Variants in RMDN3 observed in about 807,000 individuals in gnomAD.
RMDN3 encodes regulator of microtubule dynamics protein 3.
A neutral mutation model predicts 61.8 loss-of-function variants in RMDN3; 41 were observed. The ratio of observed to expected loss-of-function variants is 0.66; its 90% CI spans 0.52 to 0.86. The LOEUF is 0.86. Among genes scored for constraint, RMDN3 ranks in the 40% least tolerant of loss-of-function variants. The pLI, the probability that RMDN3 is intolerant of heterozygous loss-of-function variation, is 0.00. For missense variants in RMDN3, 557 were observed against 585.3 expected, an observed-to-expected ratio of 0.95 and a Z score of 0.50; for synonymous variants, 247 against 232.0, an observed-to-expected ratio of 1.06 and a Z score of -0.59.
At chr15:40,740,112 A>T in intron 7 of RMDN3, 21 bp downstream of exon 7, 1 of 1,564,976 alleles carries the variant, frequency 6.4e-7, no homozygotes, top group Non-Finnish European at 8.8e-7. Flanking sequence ...CTCTTCCCAG[A>T]ACACTGCAGG....
At chr15:40,736,630 T>G (rs1452477633) in intron 12 of RMDN3, 36 bp from the exon 13 acceptor site, 1 of 1,598,508 alleles carries the variant, frequency 6.3e-7, no homozygotes, top group South Asian at 1.1e-5. Context: ...GGCTCAAAAT[T>G]TAAACCAGCA....
intron 5 of RMDN3, among the ~76,000 whole-genome samples, chr15:40,744,496 C>G (rs1897421492): frequency 6.8e-6 from 1 of 148,052 alleles, no homozygotes; most frequent in South Asian, 2.1e-4. Flanking sequence ...AAACTTCTAA[C>G]TTCTGGGGGG....
chr15:40,743,303 C>T (rs912175864), intron 6 of RMDN3, among the ~76,000 whole-genome samples: 22 of 152,074 alleles, frequency 1.4e-4, no homozygotes, highest in African/African-American at 5.3e-4. Context: ...TGCTTGTAAT[C>T]CCAGCTACTG....
Position 40,736,066 on chromosome 15 carries a change from A to ATAAGAAAG in RMDN3, c.*467_*474dup, listed in dbSNP as rs1296752027. 2 of 153,428 alleles carry ATAAGAAAG rather than the reference A, an allele frequency of 1.3e-5. No individual in the cohort carries two copies. The highest frequency in any genetic ancestry group is 4.8e-5 in the African/African-American group (2 of 41,486). 9.5% of individuals were successfully genotyped at this position (153,428 alleles called of 1,614,324 possible). A position where few individuals can be genotyped will look rare whatever the true frequency, so the allele number is the denominator to read the frequency against. On this transcript the variant is annotated 3_prime_UTR_variant, in exon 13 of 13. Transcript: ENST00000338376. ...ACAGGTAGAATTCACATGATAGGTG[A>ATAAGAAAG]TAAGAAAGCAATGTCTGTGGGCCAC...
At chr15:40,751,861 C>A (rs941958471) in intron 3 of RMDN3, 125 bp downstream of exon 3, 4 of 1,096,284 alleles carry the variant, frequency 3.6e-6, no homozygotes, top group Admixed American at 2.1e-5. Flanking sequence ...CAGCTTCAAC[C>A]CAGATTAGGC....
Position 40,745,232 on chromosome 15 carries a change from G to A in RMDN3, c.552C>T (p.Asp184=), listed in dbSNP as rs377060294. 3 of 1,613,742 alleles carry A rather than the reference G, an allele frequency of 1.9e-6. No individual in the cohort carries two copies. The highest frequency in any genetic ancestry group is 2.7e-5 in the African/African-American group (2 of 74,860). The part of the protein sequence containing the change: ...GGYTTANAES[D]NERDSDKESE... ...TTTCTTTGTCAGAGTCCCGCTCATT[G>A]TCAGACTCCGCATTGGCTGTTGTGT... Residue 184 remains aspartate (D), a synonymous_variant, in exon 5 of 13, where the codon GAC becomes GAT. Coordinates refer to ENST00000338376, the MANE Select transcript of RMDN3 (RefSeq NM_018145.3).
chr15:40,746,409 G>C (rs1398922503), intron 4 of RMDN3, among the ~76,000 whole-genome samples: 1 of 151,860 alleles, frequency 6.6e-6, no homozygotes, highest in Non-Finnish European at 1.5e-5. Flanking sequence ...CCAGCTACTC[G>C]GGAGGCTGAG....
chr15:40,751,316 C>A, intron 4 of RMDN3, 110 bp downstream of exon 4: 1 of 1,356,584 alleles, frequency 7.4e-7, no homozygotes, highest in East Asian at 2.3e-5. Context: ...TATACTCTTA[C>A]CTGTTCCAAA....
In RMDN3 at chr15:40,752,179, CT is replaced by C. The variant is rs1280027950; in HGVS notation, c.188-2del. On this transcript the variant is annotated splice_acceptor_variant, in intron 2 of 12. Coordinates refer to ENST00000338376, the MANE Select transcript of RMDN3 (RefSeq NM_018145.3). LOFTEE classifies it high-confidence loss of function. ...CCTGGGACAGCCCGCAGGAGCATCA[CT>C]GAAGGGGGAAACGAATGGGAGCCAG... 1.2e-6 allele frequency: 2 copies of C among 1,611,168 alleles called. No individual in the cohort carries two copies. The highest frequency in any genetic ancestry group is 2.7e-5 in the African/African-American group (2 of 74,838).
Position 40,740,132 on chromosome 15 carries a change from C to G in RMDN3, c.971+1G>C, listed in dbSNP as rs1256546304. ...CCCAGAACACTGCAGGGTGTTATTACCACAGGTGACAGTCAGCACTCTCAT... is the reference window on the plus strand; with the variant it reads ...CCCAGAACACTGCAGGGTGTTATTAGCACAGGTGACAGTCAGCACTCTCAT... On this transcript the variant is annotated splice_donor_variant, in intron 7 of 12. Transcript: ENST00000338376. LOFTEE classifies it high-confidence loss of function. The G allele has an allele frequency of 6.2e-6, 10 of 1,603,932 alleles. No individual in the cohort carries two copies. Among genetic ancestry groups the G allele is most frequent in the Admixed American group, 1.7e-5 (1 of 59,794 alleles).
chr15:40,744,573 G>A (rs983268720), intron 5 of RMDN3, among the ~76,000 whole-genome samples: 7 of 151,892 alleles, frequency 4.6e-5, no homozygotes, highest in African/African-American at 1.5e-4. Context: ...ATGGTTGAGT[G>A]ACCTACACAG....
chr15:40,737,235 T>C (rs1897091357), intron 11 of RMDN3, 31 bp from the exon 12 acceptor site: 3 of 1,612,600 alleles, frequency 1.9e-6, no homozygotes, highest in Non-Finnish European at 1.7e-6. Context: ...AACCTGATAC[T>C]GTGTACTTTC....
intron 6 of RMDN3, among the ~76,000 whole-genome samples, chr15:40,741,795 A>T (rs1897296146): frequency 6.7e-6 from 1 of 150,308 alleles, no homozygotes; most frequent in African/African-American, 2.5e-5. Context: ...CACCTGGCTA[A>T]TTTTTGTATT....
chr15:40,743,918 G>T, intron 6 of RMDN3, 129 bp downstream of exon 6: 1 of 680,496 alleles, frequency 1.5e-6, no homozygotes. Flanking sequence ...GCCAGAGTTT[G>T]TCCCTAGTGG....
At chr15:40,754,914 C>T in intron 1 of RMDN3, 124 bp from the exon 2 acceptor site, 1 of 788,652 alleles carries the variant, frequency 1.3e-6, no homozygotes, top group South Asian at 1.8e-5. Context: ...TATCCCCTTG[C>T]CCAAACCCTG....
intron 2 of RMDN3, among the ~76,000 whole-genome samples, chr15:40,753,220 GGAGT>G (rs1897899131): frequency 6.6e-6 from 1 of 152,182 alleles, no homozygotes; most frequent in Non-Finnish European, 1.5e-5. Flanking sequence ...AATTAGCATG[GGAGT>G]GAGATAATGT....
intron 6 of RMDN3, among the ~76,000 whole-genome samples, chr15:40,742,669 C>A (rs1596044753): frequency 1.3e-5 from 2 of 152,170 alleles, no homozygotes; most frequent in East Asian, 3.9e-4. Context: ...TGACCTCCAG[C>A]AGGTAAAGCT....
chr15:40,737,885 G>A lies in RMDN3; in HGVS notation c.1125+80C>T, dbSNP rs1031591459. The A allele has an allele frequency of 2.6e-6, 4 of 1,541,772 alleles. No individual in the cohort carries two copies. The African/African-American group carries it at 5.5e-5, about 21-fold the overall frequency. ...GGGCACCTGAGCCAGAGAAGGCTGAGGATCTTGTTCTTCCTGGCAAGGAAA... is the reference window on the plus strand; with the variant it reads ...GGGCACCTGAGCCAGAGAAGGCTGAAGATCTTGTTCTTCCTGGCAAGGAAA... On this transcript the variant is annotated intron_variant, in intron 9 of 12. Transcript: ENST00000338376.
chr15:40,751,881 T>C (rs765662960), intron 3 of RMDN3, 105 bp downstream of exon 3: 18 of 1,247,916 alleles, frequency 1.4e-5, no homozygotes, highest in Non-Finnish European at 1.9e-5. Flanking sequence ...CTAGAAGCTA[T>C]AGAACTGGTT....
Sources: gnomAD v4.1 joint callset for allele counts (sites outside exome capture counted in the v4.1 genomes callset) on GRCh38, gnomAD v4.1.1 for gene constraint, MANE v1.5 for transcripts, NCBI Gene and HGNC (gene_info 2026-07-23, HGNC 2026-07-21) for gene names.